ERMP1: variants seen among roughly 807,000 people sequenced by gnomAD.
ERMP1 encodes the protein endoplasmic reticulum metallopeptidase 1.
ERMP1 carries 86 observed loss-of-function variants against 92.0 expected under a neutral mutation model. That is an observed-to-expected ratio of 0.93 (90% CI 0.79 to 1.12). ERMP1 has a LOEUF of 1.12. Among genes scored for constraint, ERMP1 ranks in the 50% most tolerant of loss-of-function variants. The pLI, the probability that ERMP1 is intolerant of heterozygous loss-of-function variation, is 0.00. For missense variants in ERMP1, 1,342 were observed against 1,116.3 expected, an observed-to-expected ratio of 1.20 and a Z score of -2.88; for synonymous variants, 530 against 412.8, an observed-to-expected ratio of 1.28 and a Z score of -3.44.
intron 8 of ERMP1, among the ~76,000 whole-genome samples, chr9:5,809,698 A>G (rs1317450674): frequency 6.6e-6 from 1 of 152,224 alleles, no homozygotes; most frequent in Admixed American, 6.5e-5. Flanking sequence ...AATAACATAA[A>G]TAAGTGGGTG....
At chr9:5,826,947 A>T (rs975686842) in intron 2 of ERMP1, among the ~76,000 whole-genome samples, 8 of 152,220 alleles carry the variant, frequency 5.3e-5, no homozygotes, top group Admixed American at 6.5e-5. Flanking sequence ...AATATCTTTA[A>T]GAAAGGGAAG....
At position 5,844,111 on chromosome 9, in the gene ERMP1, A is replaced by C. The variant is rs145238069; in HGVS notation, n.3200-10799T>G. On this transcript the variant is annotated intron_variant and non_coding_transcript_variant, in intron 6 of 6. Transcript: ENST00000690753. The stretch of plus-strand genomic sequence containing the variant: ...TTTCCTTACCAGGGGTAAGGAAAAA[A>C]ATCTTTCCTCTTAAAATTAGACACC... Among the ~76,000 whole-genome samples the C allele has an allele frequency of 5.3e-3, 813 of 152,150 alleles. 18 individuals carry two copies. The highest frequency in any genetic ancestry group is 0.042 in the Admixed American group (648 of 15,288).
intron 12 of ERMP1, 73 bp from the exon 13 acceptor site, chr9:5,798,005 C>G: frequency 1.1e-6 from 1 of 920,730 alleles, no homozygotes; most frequent in Non-Finnish European, 1.8e-6. Context: ...CAGAACTGTT[C>G]AGCATATATG....
intron 9 of ERMP1, 139 bp from the exon 10 acceptor site, chr9:5,805,356 TG>T (rs1828830778): frequency 1.4e-6 from 1 of 701,824 alleles, no homozygotes; most frequent in Non-Finnish European, 2.3e-6. Flanking sequence ...TATGTTATCT[TG>T]GAGTAGGATC....
intron 4 of ERMP1, among the ~76,000 whole-genome samples, chr9:5,814,726 T>A (rs113985792): frequency 6.6e-6 from 1 of 151,882 alleles, no homozygotes; most frequent in Non-Finnish European, 1.5e-5. Context: ...TGAGACTCCA[T>A]CTGAAAAAAT....
intron 6 of ERMP1, among the ~76,000 whole-genome samples, chr9:5,850,738 A>C (rs1447739446): frequency 2.0e-5 from 3 of 152,196 alleles, no homozygotes; most frequent in African/African-American, 7.2e-5. Context: ...AAAATGGCTC[A>C]AATGATTCTA....
chr9:5,828,689 G>A (rs1829818383), intron 2 of ERMP1, among the ~76,000 whole-genome samples: 1 of 152,154 alleles, frequency 6.6e-6, no homozygotes, highest in South Asian at 2.1e-4. Context: ...TACATGAAGT[G>A]CATGTGTTAA....
chr9:5,845,559 G>C (rs1830224994), intron 6 of ERMP1, among the ~76,000 whole-genome samples: 1 of 152,090 alleles, frequency 6.6e-6, no homozygotes, highest in African/African-American at 2.4e-5. Context: ...ATTATCTGGA[G>C]TTCTTCCAGC....
intron 5 of ERMP1, among the ~76,000 whole-genome samples, chr9:5,862,109 G>A (rs140970893): frequency 1.5e-4 from 23 of 151,830 alleles, no homozygotes; most frequent in Admixed American, 2.6e-4. Context: ...GGCTCACTGC[G>A]GCCTCTACCT....
chr9:5,814,610 A>C (rs1041203668), intron 4 of ERMP1, among the ~76,000 whole-genome samples: 1 of 152,132 alleles, frequency 6.6e-6, no homozygotes, highest in African/African-American at 2.4e-5. Context: ...GGGCATGGTA[A>C]TCCCAGCTGC....
chr9:5,806,177 C>T (rs1049528948), intron 8 of ERMP1, among the ~76,000 whole-genome samples: 2 of 152,170 alleles, frequency 1.3e-5, no homozygotes, highest in Admixed American at 6.5e-5. Context: ...TGTGAAGGAA[C>T]GTTAGGAACT....
chr9:5,832,949 GCGCGGC>G lies in ERMP1; in HGVS notation c.73_78del (p.Ala25_Ala26del). On this transcript the variant is annotated inframe_deletion, in exon 1 of 15. Transcript: ENST00000339450. ...GCTCGGGCCTCCCTCTCCGGCGGTGGCGCGGCCGCCGCTCCCTCTCGACGCTCTACT... is the reference window on the plus strand; with the variant it reads ...GCTCGGGCCTCCCTCTCCGGCGGTGGCGCCGCTCCCTCTCGACGCTCTACT... The G allele has an allele frequency of 6.4e-7, 1 of 1,562,062 alleles. No individual in the cohort carries two copies. The highest frequency in any genetic ancestry group is 1.2e-5 in the South Asian group (1 of 86,226).
At chr9:5,859,758 T>C (rs1025574604) in intron 5 of ERMP1, among the ~76,000 whole-genome samples, 4 of 152,222 alleles carry the variant, frequency 2.6e-5, no homozygotes, top group African/African-American at 9.6e-5. Flanking sequence ...GCCTGGCACA[T>C]AGTTGATGCT....
chr9:5,848,980 T>C (rs1041754582), intron 6 of ERMP1, among the ~76,000 whole-genome samples: 1 of 152,180 alleles, frequency 6.6e-6, no homozygotes, highest in Non-Finnish European at 1.5e-5. Context: ...CTTTGTACTT[T>C]AGTTTTACAG....
chr9:5,821,321 C>T (rs1418939327), intron 4 of ERMP1, among the ~76,000 whole-genome samples: 1 of 152,184 alleles, frequency 6.6e-6, no homozygotes, highest in Admixed American at 6.5e-5. Flanking sequence ...GTCCTCCATT[C>T]CAGTCACACA....
intron 4 of ERMP1, among the ~76,000 whole-genome samples, chr9:5,815,928 T>C (rs1050903976): frequency 4.6e-5 from 7 of 152,118 alleles, no homozygotes; most frequent in Non-Finnish European, 8.8e-5. Context: ...TAAAATACTA[T>C]TATTAAAATA....
At chr9:5,807,353 G>C (rs1337149188) in intron 8 of ERMP1, among the ~76,000 whole-genome samples, 1 of 152,070 alleles carries the variant, frequency 6.6e-6, no homozygotes, top group Non-Finnish European at 1.5e-5. Flanking sequence ...TCACCACACT[G>C]GACTGTCCAC....
intron 6 of ERMP1, among the ~76,000 whole-genome samples, chr9:5,849,170 G>A (rs528602892): frequency 6.6e-6 from 1 of 152,142 alleles, no homozygotes; most frequent in Non-Finnish European, 1.5e-5. Flanking sequence ...CTATAGGCAT[G>A]TGCCACCACA....
At chr9:5,808,338 A>G (rs1376972594) in intron 8 of ERMP1, among the ~76,000 whole-genome samples, 5 of 152,242 alleles carry the variant, frequency 3.3e-5, no homozygotes, top group Non-Finnish European at 5.9e-5. Context: ...GATTACATAC[A>G]ATTACAATAA....
Sources: allele counts gnomAD v4.1 joint callset (sites outside exome capture counted in the v4.1 genomes callset), GRCh38; gene constraint gnomAD v4.1.1; transcripts MANE v1.5; gene names NCBI Gene and HGNC (gene_info 2026-07-23, HGNC 2026-07-21).